The following TMEM132D variants were observed in gnomAD, a reference collection of about 807,000 sequenced individuals.
The protein encoded by TMEM132D is transmembrane protein 132D, also known as mature OL transmembrane protein.
A neutral mutation model predicts 62.3 loss-of-function variants in TMEM132D; 21 were observed. The ratio of observed to expected loss-of-function variants is 0.34; its 90% CI spans 0.24 to 0.49. The LOEUF (loss-of-function observed/expected upper bound fraction) is 0.49. Ranked by LOEUF, TMEM132D falls within the 20% of genes least tolerant of loss-of-function variation. The pLI is 0.99. For synonymous variants in TMEM132D, 621 were observed against 575.6 expected (o/e 1.08, Z -1.13); for missense variants, 1,346 against 1,402.8 (o/e 0.96, Z 0.65).
chr12:129,105,890 C>T lies in TMEM132D; in HGVS notation c.1444-21188G>A, dbSNP rs1372126176. ...CTCAGGGATCTAGAACTAGAAATACCATTTGACCCAGCCATCCCATTACTG... is the reference window on the plus strand; with the variant it reads ...CTCAGGGATCTAGAACTAGAAATACTATTTGACCCAGCCATCCCATTACTG... On this transcript the variant is annotated intron_variant, in intron 5 of 8. Transcript: ENST00000422113. Among the ~76,000 whole-genome samples, 119 of 149,774 alleles carry T rather than the reference C, an allele frequency of 7.9e-4. 1 individual carries two copies. The highest frequency in any genetic ancestry group is 2.3e-3 in the African/African-American group (91 of 39,348).
At chr12:129,629,344 T>C (rs549488733) in intron 2 of TMEM132D, among the ~76,000 whole-genome samples, 3 of 152,356 alleles carry the variant, frequency 2.0e-5, no homozygotes, top group East Asian at 3.9e-4. Context: ...ATCTTCAAGA[T>C]TTTTATTCAC....
chr12:129,385,810 G>A (rs1454602192), intron 3 of TMEM132D, among the ~76,000 whole-genome samples: 2 of 152,200 alleles, frequency 1.3e-5, no homozygotes, highest in Non-Finnish European at 2.9e-5. Flanking sequence ...CAGGCCAGCA[G>A]CCAAACCCCT....
Position 129,439,579 on chromosome 12 carries a change from A to G in TMEM132D, c.1115+91480T>C, listed in dbSNP as rs115061823. Among the ~76,000 whole-genome samples the G allele has an allele frequency of 1.6e-3, 250 of 152,156 alleles. 2 individuals are homozygous for G. Among genetic ancestry groups the G allele is most frequent in the African/African-American group, 5.9e-3 (246 of 41,514 alleles). On this transcript the variant is annotated intron_variant, in intron 3 of 8. Coordinates refer to ENST00000422113, the MANE Select transcript of TMEM132D (RefSeq NM_133448.3). The stretch of plus-strand genomic sequence containing the variant: ...ATTCTCCTGCCTCAGCCTTCTAAGT[A>G]GCTGAGAACAGGTGCCCGCCATCAC...
intron 2 of TMEM132D, among the ~76,000 whole-genome samples, chr12:129,599,265 G>A (rs1222287007): frequency 6.6e-6 from 1 of 152,152 alleles, no homozygotes; most frequent in African/African-American, 2.4e-5. Flanking sequence ...GTTTGAGTAG[G>A]GTTTCTGTCA....
intron 4 of TMEM132D, among the ~76,000 whole-genome samples, chr12:129,242,101 T>G (rs1296244753): frequency 6.6e-6 from 1 of 152,218 alleles, no homozygotes; most frequent in Admixed American, 6.5e-5. Context: ...ACTGAGACAC[T>G]AGAGTCCCTA....
At chr12:129,245,661 T>C (rs1880081026) in intron 4 of TMEM132D, among the ~76,000 whole-genome samples, 2 of 152,186 alleles carry the variant, frequency 1.3e-5, no homozygotes, top group East Asian at 1.9e-4. Flanking sequence ...TTGTGATGTG[T>C]TTGTAAAAGG....
At chr12:129,448,391 T>G (rs1481019913) in intron 3 of TMEM132D, among the ~76,000 whole-genome samples, 1 of 152,114 alleles carries the variant, frequency 6.6e-6, no homozygotes, top group African/African-American at 2.4e-5. Context: ...CACCCTCCAG[T>G]AGGCCCCAGT....
intron 3 of TMEM132D, among the ~76,000 whole-genome samples, chr12:129,492,592 G>A (rs910444037): frequency 3.3e-5 from 5 of 152,164 alleles, no homozygotes; most frequent in Non-Finnish European, 7.4e-5. Flanking sequence ...CTCATTAGAA[G>A]TTCTGTTTTC....
intron 2 of TMEM132D, among the ~76,000 whole-genome samples, chr12:129,644,983 C>CT (rs1879736423): frequency 3.2e-5 from 2 of 62,868 alleles, no homozygotes; most frequent in Admixed American, 1.7e-4. Flanking sequence ...AATAGTCCAT[C>CT]TAAAAAAAAA....
intron 1 of TMEM132D, chr12:129,854,817 C>T (rs1206099184): frequency 1.3e-5 from 2 of 152,282 alleles, no homozygotes; most frequent in African/African-American, 4.8e-5. Context: ...AGCACCAGAG[C>T]TGGGATCTGA....
rs1039896206 is a variant in TMEM132D, at chr12:129,631,833, TC to T, written c.968+67976del. On this transcript the variant is annotated intron_variant, in intron 2 of 8. Coordinates refer to ENST00000422113, the MANE Select transcript of TMEM132D (RefSeq NM_133448.3). ...GCCATTGGCATCCTAAAGAAAAAGATCCCCCCACCACACCCTGGTTAATATG... is the reference window on the plus strand; with the variant it reads ...GCCATTGGCATCCTAAAGAAAAAGATCCCCCACCACACCCTGGTTAATATG... Among the ~76,000 whole-genome samples the T allele has an allele frequency of 2.0e-5, 3 of 151,894 alleles. No individual in the cohort carries two copies. In the South Asian group the frequency reaches 6.2e-4, roughly 32 times the overall value.
chr12:129,540,486 C>CT (rs570157180), intron 2 of TMEM132D, among the ~76,000 whole-genome samples: 13,990 of 146,532 alleles, frequency 0.095, 2,157 homozygotes, highest in African/African-American at 0.33. Context: ...ATTCAACAAA[C>CT]TTTTTTTTTT....
In TMEM132D at chr12:129,722,426, C is replaced by T. The variant is rs1179657297; in HGVS notation, c.80-21728G>A. ...TGAAATTCCCACGGCTTTCCCAAAT[C>T]GAACCCCAGCACTGGAATTCTAAGA... On this transcript the variant is annotated intron_variant, in intron 1 of 8. Coordinates refer to ENST00000422113, the MANE Select transcript of TMEM132D (RefSeq NM_133448.3). Among the ~76,000 whole-genome samples the T allele has an allele frequency of 2.6e-5, 4 of 152,312 alleles. No homozygotes were observed. The East Asian group carries it at 7.7e-4, about 29-fold the overall frequency.
At chr12:129,333,722 T>G (rs1869187054) in intron 4 of TMEM132D, among the ~76,000 whole-genome samples, 1 of 152,164 alleles carries the variant, frequency 6.6e-6, no homozygotes, top group Non-Finnish European at 1.5e-5. Flanking sequence ...CCCTTGCAGC[T>G]AGATCTCAGC....
At chr12:129,227,264 C>A (rs958738688) in intron 4 of TMEM132D, among the ~76,000 whole-genome samples, 1 of 140,986 alleles carries the variant, frequency 7.1e-6, no homozygotes, top group Non-Finnish European at 1.5e-5. Flanking sequence ...TTCCTTTGAT[C>A]CACTAAGAAA....
rs111583443 is a variant in TMEM132D, at chr12:129,560,666, G to A, written c.969-29461C>T. On this transcript the variant is annotated intron_variant, in intron 2 of 8. Coordinates refer to ENST00000422113, the MANE Select transcript of TMEM132D (RefSeq NM_133448.3). The stretch of plus-strand genomic sequence containing the variant: ...ACCCAGGTAGGAATAAATTAGGCAG[G>A]TGAAGGTAGCTTATGCTGTGGTAAC... Among the ~76,000 whole-genome samples the A allele has an allele frequency of 4.6e-3, 706 of 152,258 alleles. 5 individuals are homozygous for A. Among genetic ancestry groups the A allele is most frequent in the Middle Eastern group, 0.024 (7 of 294 alleles).
intron 4 of TMEM132D, among the ~76,000 whole-genome samples, chr12:129,280,593 T>C (rs940632108): frequency 3.9e-5 from 6 of 152,202 alleles, no homozygotes; most frequent in African/African-American, 1.4e-4. Context: ...AGGAACTATA[T>C]TATTAGCTCT....
At chr12:129,699,023 T>C (rs1461761603) in intron 2 of TMEM132D, among the ~76,000 whole-genome samples, 2 of 152,152 alleles carry the variant, frequency 1.3e-5, no homozygotes, top group African/African-American at 4.8e-5. Context: ...TGCTAGGACA[T>C]TTTTAATAAC....
rs1296356744 is a variant in TMEM132D, at chr12:129,072,789, C to G, written c.*1086G>C. On this transcript the variant is annotated 3_prime_UTR_variant, in exon 9 of 9. Coordinates refer to ENST00000422113, the MANE Select transcript of TMEM132D (RefSeq NM_133448.3). Reference sequence around the variant, plus strand: ...TGCCATGAACAGTGAAAGACCCATCCCAAGTGGCCCTGTTTTCTTTCTAGT... The same window carrying G: ...TGCCATGAACAGTGAAAGACCCATCGCAAGTGGCCCTGTTTTCTTTCTAGT... 2 of 152,218 alleles carry G rather than the reference C, an allele frequency of 1.3e-5. No homozygotes were observed. Among genetic ancestry groups the G allele is most frequent in the African/African-American group, 4.8e-5 (2 of 41,434 alleles). 9.4% of individuals were successfully genotyped at this position (152,218 alleles called of 1,614,324 possible). A position where few individuals can be genotyped will look rare whatever the true frequency, so the allele number is the denominator to read the frequency against.
Sources: allele counts gnomAD v4.1 joint callset (sites outside exome capture counted in the v4.1 genomes callset), GRCh38; gene constraint gnomAD v4.1.1; transcripts MANE v1.5; gene names NCBI Gene and HGNC (gene_info 2026-07-23, HGNC 2026-07-21).